Variants in CBLN2 observed in about 807,000 individuals in gnomAD.
The protein encoded by CBLN2 is cerebellin-2.
Under a neutral mutation model 15.0 loss-of-function variants are expected in CBLN2, and 7 were observed. That is an observed-to-expected ratio of 0.47 (90% CI 0.27 to 0.88). The LOEUF is 0.88. Ranked by LOEUF, CBLN2 falls within the 40% of genes least tolerant of loss-of-function variation. The pLI, the probability that CBLN2 is intolerant of heterozygous loss-of-function variation, is 0.14. For missense variants in CBLN2, 242 were observed against 304.5 expected, an observed-to-expected ratio of 0.79 and a Z score of 1.53; for synonymous variants, 149 against 135.2, an observed-to-expected ratio of 1.10 and a Z score of -0.71.
At chr18:72,627,454 T>C (rs972972818) in intron 1 of CBLN2, among the ~76,000 whole-genome samples, 11 of 152,238 alleles carry the variant, frequency 7.2e-5, no homozygotes, top group African/African-American at 2.7e-4. Context: ...CAGGCCCTAA[T>C]AGGACTATGC....
At chr18:72,548,999 T>G (rs589339), upstream of CBLN2, among the ~76,000 whole-genome samples, 2 of 151,638 alleles carry the variant, frequency 1.3e-5, no homozygotes, top group African/African-American at 4.9e-5. Flanking sequence ...TCCTTCTTTC[T>G]TATTTATTTA....
At position 72,542,341 on chromosome 18, in the gene CBLN2, A is replaced by G. The variant is rs1598989062; in HGVS notation, c.-166-15T>C. 4 of 301,238 alleles carry G rather than the reference A, an allele frequency of 1.3e-5. No individual in the cohort carries two copies. Among genetic ancestry groups the G allele is most frequent in the East Asian group, 8.2e-5 (1 of 12,240 alleles). The allele number at this position is 301,238 out of a possible 1,614,324, so 18.7% of individuals were successfully genotyped here. ...CGCCTGTGAACCTGTCAGGGCACAG[A>G]ACCCAAAGCCTTACACCGGGAGGTG... On this transcript the variant is annotated splice_polypyrimidine_tract_variant and intron_variant, in intron 2 of 4. Transcript: ENST00000269503.
intron 1 of CBLN2, among the ~76,000 whole-genome samples, chr18:72,571,580 A>G (rs2069332451): frequency 6.6e-6 from 1 of 152,210 alleles, no homozygotes; most frequent in Non-Finnish European, 1.5e-5. Context: ...TTAGCTGTAC[A>G]TATTCTAAGA....
chr18:72,632,074 C>A (rs890069086), intron 1 of CBLN2, among the ~76,000 whole-genome samples: 2 of 151,884 alleles, frequency 1.3e-5, no homozygotes, highest in Non-Finnish European at 2.9e-5. Context: ...TGAAAACAAT[C>A]AAGAGTTATA....
At chr18:72,568,957 C>T (rs2069313524) in intron 1 of CBLN2, among the ~76,000 whole-genome samples, 3 of 152,182 alleles carry the variant, frequency 2.0e-5, no homozygotes, top group African/African-American at 4.8e-5. Flanking sequence ...AACATATTAT[C>T]ATATTCAGCT....
Position 72,543,695 on chromosome 18 carries a change from GCCGCGC to G in CBLN2, c.-211-171_-211-166del, listed in dbSNP as rs1433197747. The G allele has an allele frequency of 2.0e-5, 7 of 348,574 alleles. No homozygotes were observed. The highest frequency in any genetic ancestry group is 3.1e-5 in the Non-Finnish European group (6 of 194,146). The allele number at this position is 348,574 out of a possible 1,614,324, so 21.6% of individuals were successfully genotyped here. A position where few individuals can be genotyped will look rare whatever the true frequency, so the allele number is the denominator to read the frequency against. Reference sequence around the variant, plus strand: ...CCACGCCCCGCGCGCCCGCTTAGGCGCCGCGCCCGGGACCGGGAACCCCGCGTCTCG... The same window carrying G: ...CCACGCCCCGCGCGCCCGCTTAGGCGCCGGGACCGGGAACCCCGCGTCTCG... On this transcript the variant is annotated intron_variant, in intron 1 of 4. Transcript: ENST00000269503. The surrounding 1 kb of genome is among the most constrained non-coding windows in gnomAD (Gnocchi z 6.8).
intron 1 of CBLN2, among the ~76,000 whole-genome samples, chr18:72,591,021 C>T (rs2069476677): frequency 6.6e-6 from 1 of 152,150 alleles, no homozygotes; most frequent in Admixed American, 6.5e-5. Flanking sequence ...TGATAGCTTT[C>T]ATATATTCAG....
chr18:72,586,593 G>T (rs949451262), intron 1 of CBLN2, among the ~76,000 whole-genome samples: 1 of 152,174 alleles, frequency 6.6e-6, no homozygotes, highest in Non-Finnish European at 1.5e-5. Context: ...TTCATGAACG[G>T]TTAAGCATTC....
At chr18:72,548,986 C>T (rs978496950), upstream of CBLN2, among the ~76,000 whole-genome samples, 1 of 151,876 alleles carries the variant, frequency 6.6e-6, no homozygotes, top group African/African-American at 2.4e-5. Context: ...TTCTGTCTTT[C>T]TTTCCTTCTT....
At chr18:72,595,260 A>G (rs2069505673) in intron 1 of CBLN2, among the ~76,000 whole-genome samples, 1 of 151,786 alleles carries the variant, frequency 6.6e-6, no homozygotes, top group Admixed American at 6.6e-5. Context: ...AAATTTTTAA[A>G]TTTCTGTCTT....
intron 1 of CBLN2, among the ~76,000 whole-genome samples, chr18:72,570,235 A>G (rs962417122): frequency 6.7e-6 from 1 of 150,068 alleles, no homozygotes; most frequent in African/African-American, 2.4e-5. Context: ...TTGATTCATT[A>G]AGTTAGCACT....
intron 1 of CBLN2, among the ~76,000 whole-genome samples, chr18:72,558,164 G>T (rs1056144339): frequency 2.0e-5 from 3 of 152,162 alleles, no homozygotes; most frequent in African/African-American, 7.2e-5. Flanking sequence ...GACTTAGTGT[G>T]GCACCTTGGG....
intron 1 of CBLN2, among the ~76,000 whole-genome samples, chr18:72,603,064 T>A (rs969002875): frequency 3.3e-5 from 5 of 152,254 alleles, no homozygotes; most frequent in African/African-American, 9.6e-5. Context: ...CAAGGCTCAC[T>A]GAGAGGATTA....
At position 72,576,567 on chromosome 18, in the gene CBLN2, A is replaced by G. The variant is rs79768761; in HGVS notation, c.16-37795T>C. ...TAATACGTACTCTCAATGCTATTAT[A>G]ACATTGTTTTCATATACTGCTGTCA... On this transcript the variant is annotated intron_variant, in intron 1 of 2. Transcript: ENST00000581073. 3.6e-3 allele frequency among the ~76,000 whole-genome samples: 545 copies of G among 152,306 alleles called. 8 individuals carry two copies. The East Asian group carries it at 0.073, about 20-fold the overall frequency.
intron 1 of CBLN2, among the ~76,000 whole-genome samples, chr18:72,612,588 T>C (rs1403479941): frequency 6.6e-6 from 1 of 152,110 alleles, no homozygotes; most frequent in Non-Finnish European, 1.5e-5. Flanking sequence ...CTTCCTCTAA[T>C]AAAAAACATT....
chr18:72,606,054 C>T (rs866156354), intron 1 of CBLN2, among the ~76,000 whole-genome samples: 15 of 152,224 alleles, frequency 9.9e-5, no homozygotes, highest in Non-Finnish European at 8.8e-5. Context: ...CCTTTGGGAG[C>T]GAGGCTGACT....
chr18:72,583,338 G>C (rs1413031462), intron 1 of CBLN2, among the ~76,000 whole-genome samples: 1 of 152,148 alleles, frequency 6.6e-6, no homozygotes, highest in African/African-American at 2.4e-5. Flanking sequence ...AAAAGCAGCG[G>C]CTCTTTCTTG....
At chr18:72,603,687 G>A (rs1028262846) in intron 1 of CBLN2, among the ~76,000 whole-genome samples, 3 of 152,100 alleles carry the variant, frequency 2.0e-5, no homozygotes, top group Non-Finnish European at 2.9e-5. Context: ...ACTGCTAGAC[G>A]TTCTCTCTGA....
chr18:72,564,545 G>C (rs1180511343), intron 1 of CBLN2, among the ~76,000 whole-genome samples: 1 of 151,954 alleles, frequency 6.6e-6, no homozygotes, highest in African/African-American at 2.4e-5. Context: ...TACACTATAT[G>C]GTCAAATTTT....
Sources: allele counts gnomAD v4.1 joint callset (sites outside exome capture counted in the v4.1 genomes callset), GRCh38; gene constraint gnomAD v4.1.1; non-coding constraint Gnocchi (gnomAD v3.1); transcripts MANE v1.5; gene names NCBI Gene and HGNC (gene_info 2026-07-23, HGNC 2026-07-21).